DNAH11: variants seen among roughly 807,000 people sequenced by gnomAD.
The protein encoded by DNAH11 is dynein axonemal heavy chain 11, also known as axonemal beta dynein heavy chain 11.
A neutral mutation model predicts 526.0 loss-of-function variants in DNAH11; 442 were observed. That is an observed-to-expected ratio of 0.84 (90% CI 0.78 to 0.91). The LOEUF is 0.91. DNAH11 is among the 40% of genes least tolerant of loss of function. The pLI, the probability that DNAH11 is intolerant of heterozygous loss-of-function variation, is 0.00. For synonymous variants in DNAH11, 2,461 were observed against 1,935.9 expected, an observed-to-expected ratio of 1.27 and a Z score of -7.12; for missense variants, 6,989 against 5,448.7, an observed-to-expected ratio of 1.28 and a Z score of -8.90.
intron 61 of DNAH11, among the ~76,000 whole-genome samples, chr7:21,794,905 C>T (rs1414882983): frequency 1.3e-5 from 2 of 152,150 alleles, no homozygotes; most frequent in East Asian, 3.9e-4. Flanking sequence ...GGGGCATTTT[C>T]TACGTGCAGT....
chr7:21,558,396 C>T (rs1783307920), intron 2 of DNAH11, among the ~76,000 whole-genome samples: 2 of 152,186 alleles, frequency 1.3e-5, no homozygotes, highest in South Asian at 4.1e-4. Flanking sequence ...CTCTGGGATG[C>T]CACCTAGGGC....
chr7:21,738,698 C>T lies in DNAH11; in HGVS notation c.7646-3C>T, dbSNP rs1785730709. ...GGTGGACAGAAATATATGTTTATTT[C>T]AGAAATTCTTGAGAAACCCCTAGAG... On this transcript the variant is annotated splice_polypyrimidine_tract_variant and splice_region_variant and intron_variant, in intron 46 of 81. Coordinates refer to ENST00000409508, the MANE Select transcript of DNAH11 (RefSeq NM_001277115.2). 2 of 1,561,976 alleles carry T rather than the reference C, an allele frequency of 1.3e-6. No homozygotes were observed. Among genetic ancestry groups the T allele is most frequent in the Non-Finnish European group, 1.7e-6 (2 of 1,154,526 alleles).
At chr7:21,669,093 T>C (rs573316524) in intron 30 of DNAH11, among the ~76,000 whole-genome samples, 40 of 152,316 alleles carry the variant, frequency 2.6e-4, no homozygotes, top group South Asian at 1.9e-3. Context: ...CAACTTCTTA[T>C]GGGGTAATTA....
At chr7:21,690,372 G>A (rs999485029) in intron 34 of DNAH11, among the ~76,000 whole-genome samples, 17 of 152,134 alleles carry the variant, frequency 1.1e-4, no homozygotes, top group African/African-American at 3.9e-4. Context: ...TGAGCAGGAC[G>A]TCCCTTTCTC....
At chr7:21,645,601 A>G (rs1451113458) in intron 28 of DNAH11, among the ~76,000 whole-genome samples, 2 of 152,168 alleles carry the variant, frequency 1.3e-5, no homozygotes, top group Admixed American at 6.6e-5. Context: ...TATACAGAGA[A>G]TCAAACAATA....
intron 60 of DNAH11, among the ~76,000 whole-genome samples, chr7:21,787,883 A>T (rs147163867): frequency 6.6e-6 from 1 of 152,364 alleles, no homozygotes; most frequent in African/African-American, 2.4e-5. Flanking sequence ...TATTTAATTC[A>T]TGTTGACTTG....
chr7:21,604,400 A>G (rs533545837), intron 18 of DNAH11, among the ~76,000 whole-genome samples: 1 of 152,280 alleles, frequency 6.6e-6, no homozygotes, highest in South Asian at 2.1e-4. Flanking sequence ...CTGAAACAAG[A>G]TGAATATTCT....
chr7:21,778,497 C>T (rs1787782723), intron 56 of DNAH11, among the ~76,000 whole-genome samples: 1 of 152,118 alleles, frequency 6.6e-6, no homozygotes, highest in African/African-American at 2.4e-5. Flanking sequence ...AATTAATCTG[C>T]AGTCAGGCAA....
chr7:21,750,157 A>G (rs1583657229), intron 53 of DNAH11, 65 bp from the exon 54 acceptor site: 1 of 1,491,784 alleles, frequency 6.7e-7, no homozygotes, highest in East Asian at 2.4e-5. Context: ...TCAAACGTTT[A>G]AAAGTTATAT....
intron 65 of DNAH11, among the ~76,000 whole-genome samples, chr7:21,838,948 T>C (rs1782100460): frequency 6.6e-6 from 1 of 152,100 alleles, no homozygotes; most frequent in African/African-American, 2.4e-5. Context: ...AATTTTATGT[T>C]CCCATTAGCA....
chr7:21,634,263 A>G (rs989981917), intron 25 of DNAH11, among the ~76,000 whole-genome samples: 3 of 152,192 alleles, frequency 2.0e-5, no homozygotes, highest in African/African-American at 4.8e-5. Flanking sequence ...CACTGTCAGT[A>G]TCTTGAGACT....
intron 30 of DNAH11, among the ~76,000 whole-genome samples, chr7:21,669,558 A>G (rs1782557970): frequency 1.3e-5 from 2 of 152,082 alleles, no homozygotes; most frequent in South Asian, 2.1e-4. Flanking sequence ...TCTTAATGGC[A>G]TATTTTATCA....
Position 21,559,656 on chromosome 7 carries a change from A to G in DNAH11, c.746A>G (p.Glu249Gly). 6.2e-7 allele frequency: 1 copy of G among 1,612,250 alleles called. No homozygotes were observed. Among genetic ancestry groups the G allele is most frequent in the Non-Finnish European group, 8.5e-7 (1 of 1,179,148 alleles). Residue 249 changes from glutamate to glycine, a missense_variant, in exon 4 of 82, where the codon GAA (glutamate) becomes GGA (glycine). Coordinates refer to ENST00000409508, the MANE Select transcript of DNAH11 (RefSeq NM_001277115.2). The part of the protein sequence containing the change: ...ILHAIESVVI[E>G]WSHQIQEIIE... ...CATGCAATTGAATCTGTGGTTATTG[A>G]ATGGTCACATCAAATCCAAGAAATT...
At chr7:21,796,379 T>C (rs890954158) in intron 61 of DNAH11, among the ~76,000 whole-genome samples, 1 of 152,248 alleles carries the variant, frequency 6.6e-6, no homozygotes. Flanking sequence ...CACATTTGCC[T>C]TTTGGAAAGA....
intron 58 of DNAH11, 91 bp from the exon 59 acceptor site, chr7:21,786,533 G>C (rs1788200576): frequency 2.1e-6 from 3 of 1,431,996 alleles, no homozygotes; most frequent in Non-Finnish European, 1.9e-6. Context: ...AGAAGTGGGA[G>C]TCCACTAAAG....
In DNAH11 at chr7:21,588,600, A is replaced by T. The variant is rs1457872966; in HGVS notation, c.1937A>T (p.Gln646Leu). ...GCCCAGCAGGTTCTCCAACGACTTCAAATGTTTTGGTCAAACTTCGCATCT... is the reference window on the plus strand; with the variant it reads ...GCCCAGCAGGTTCTCCAACGACTTCTAATGTTTTGGTCAAACTTCGCATCT... ...KWAQQVLQRL[Q>L]MFWSNFASLR... Residue 646 changes from glutamine (Q) to leucine (L), a missense_variant, in exon 11 of 82, where the codon CAA becomes CTA. Coordinates refer to ENST00000409508, the MANE Select transcript of DNAH11 (RefSeq NM_001277115.2). The T allele has an allele frequency of 1.2e-6, 2 of 1,613,736 alleles. No homozygotes were observed. Among genetic ancestry groups the T allele is most frequent in the Admixed American group, 3.3e-5 (2 of 60,026 alleles).
At chr7:21,871,184 A>C (rs778805816) in intron 73 of DNAH11, among the ~76,000 whole-genome samples, 4 of 152,238 alleles carry the variant, frequency 2.6e-5, no homozygotes, top group Non-Finnish European at 4.4e-5. Context: ...AAACTATTAT[A>C]AAAGTAGCAG....
At chr7:21,702,481 A>G (rs1784105248) in intron 36 of DNAH11, among the ~76,000 whole-genome samples, 1 of 151,972 alleles carries the variant, frequency 6.6e-6, no homozygotes, top group South Asian at 2.1e-4. Flanking sequence ...AGCGCTATGG[A>G]AAGAAGAGAC....
intron 63 of DNAH11, among the ~76,000 whole-genome samples, chr7:21,814,313 C>G (rs1327682555): frequency 6.6e-6 from 1 of 151,806 alleles, no homozygotes; most frequent in Middle Eastern, 3.4e-3. Flanking sequence ...ACACTGTACA[C>G]TTAGCCTACA....
Sources: gnomAD v4.1 joint callset for allele counts (sites outside exome capture counted in the v4.1 genomes callset) on GRCh38, gnomAD v4.1.1 for gene constraint, MANE v1.5 for transcripts, NCBI Gene and HGNC (gene_info 2026-07-23, HGNC 2026-07-21) for gene names.